ALMS1: variants seen among roughly 807,000 people sequenced by gnomAD.
ALMS1 encodes centrosome-associated protein ALMS1.
ALMS1 carries 271 observed loss-of-function variants against 352.2 expected under a neutral mutation model. The observed-to-expected ratio is 0.77, with a 90% CI of 0.70 to 0.85. ALMS1 has a LOEUF of 0.85. ALMS1 is among the 40% of genes least tolerant of loss of function. ALMS1 has a pLI of 0.00. For missense variants in ALMS1, 5,445 were observed against 4,870.7 expected, an observed-to-expected ratio of 1.12 and a Z score of -3.51; for synonymous variants, 1,865 against 1,761.2, an observed-to-expected ratio of 1.06 and a Z score of -1.48.
chr2:73,552,158 C>G (rs1256757171), intron 13 of ALMS1, among the ~76,000 whole-genome samples: 1 of 152,166 alleles, frequency 6.6e-6, no homozygotes, highest in African/African-American at 2.4e-5. Flanking sequence ...CACCCATTAA[C>G]TCGTCATTTA....
rs1383333428 is a variant in ALMS1 at position 73,452,746 on chromosome 2, G to A, written c.6219G>A (p.Lys2073=). 3 of 1,613,284 alleles carry A rather than the reference G, an allele frequency of 1.9e-6. No homozygotes were observed. Among genetic ancestry groups the A allele is most frequent in the Non-Finnish European group, 2.5e-6 (3 of 1,179,918 alleles). ...GAGATCAAAGTAAAGGTATTCTAAA[G>A]ATTTCAGCTGTCCCTGAACTAACTG... is the stretch of plus-strand genomic sequence containing the variant. The part of the protein sequence containing the change: ...PDRDQSKGIL[K]ISAVPELTDV... Residue 2073 remains lysine (K), a synonymous_variant, in exon 8 of 23, where the codon AAG becomes AAA. Transcript: ENST00000613296.
At position 73,386,000 on chromosome 2, in the gene ALMS1, G is replaced by T. The variant is rs753958280; in HGVS notation, c.132G>T (p.Glu44Asp). The change falls in exon 1 of 23, where the codon GAG becomes GAT. Residue 44 changes from glutamate to aspartate, a missense_variant. Transcript: ENST00000613296. ...AANVDDVVVV[E>D]EVEEEAGREL... ...ACGTGGACGACGTAGTGGTCGTGGA[G>T]GAGGTGGAGGAAGAGGCGGGGCGGG... The T allele has an allele frequency of 7.7e-6, 12 of 1,557,858 alleles. No individual in the cohort carries two copies. In the East Asian group the frequency reaches 2.9e-4, roughly 38 times the overall value.
intron 12 of ALMS1, among the ~76,000 whole-genome samples, chr2:73,549,364 AT>A (rs1400655844): frequency 6.6e-6 from 1 of 152,122 alleles, no homozygotes; most frequent in African/African-American, 2.4e-5. Flanking sequence ...ACATAGCTAA[AT>A]ATATTATTAT....
chr2:73,512,177 C>T (rs941015267), intron 10 of ALMS1, among the ~76,000 whole-genome samples: 3 of 152,108 alleles, frequency 2.0e-5, no homozygotes, highest in African/African-American at 4.8e-5. Flanking sequence ...CTCTGCCTCC[C>T]GGGTTCAAGC....
In ALMS1 at chr2:73,491,499, G is replaced by A; in HGVS notation, c.9539+1G>A. The A allele has an allele frequency of 1.2e-6, 2 of 1,613,876 alleles. No homozygotes were observed. The highest frequency in any genetic ancestry group is 1.7e-6 in the Non-Finnish European group (2 of 1,179,950). The stretch of plus-strand genomic sequence containing the variant: ...AGGGGACCCCAGTATTTGCAGATCG[G>A]TGAGTCTCATTGTGATAACAAGCAA... On this transcript the variant is annotated splice_donor_variant, in intron 10 of 22. Coordinates refer to ENST00000613296, the MANE Select transcript of ALMS1 (RefSeq NM_001378454.1). LOFTEE classifies it high-confidence loss of function.
intron 21 of ALMS1, among the ~76,000 whole-genome samples, chr2:73,607,833 T>A (rs1573060846): frequency 6.8e-6 from 1 of 147,396 alleles, no homozygotes; most frequent in East Asian, 2.0e-4. Flanking sequence ...TTTTTTGGTG[T>A]GTGTGGTTTT....
chr2:73,465,647 TTAAAC>T lies in ALMS1; in HGVS notation c.7674+10357_7674+10361del, dbSNP rs1299548980. 1.7e-4 allele frequency among the ~76,000 whole-genome samples: 26 copies of T among 152,078 alleles called. 1 individual carries two copies. Among genetic ancestry groups the T allele is most frequent in the Middle Eastern group, 6.8e-3 (2 of 294 alleles). ...GCCAAAATTGACAAATGGGATCTAA[TTAAAC>T]TAAAGAGTTTCTGCACAGCAAAAGA... On this transcript the variant is annotated intron_variant, in intron 9 of 22. Coordinates refer to ENST00000613296, the MANE Select transcript of ALMS1 (RefSeq NM_001378454.1).
At chr2:73,418,818 A>G (rs1015346194) in intron 2 of ALMS1, among the ~76,000 whole-genome samples, 5 of 152,050 alleles carry the variant, frequency 3.3e-5, no homozygotes, top group Non-Finnish European at 5.9e-5. Context: ...CTTAATATCT[A>G]CCTCTCTGAA....
chr2:73,555,719 G>A (rs528632115), intron 13 of ALMS1, among the ~76,000 whole-genome samples: 1 of 152,274 alleles, frequency 6.6e-6, no homozygotes, highest in East Asian at 1.9e-4. Context: ...ACATTTCACA[G>A]GAATGTTCAT....
rs1385240988 is a variant in ALMS1, at chr2:73,455,244, A to G, written c.7623A>G (p.Glu2541=). 6.2e-7 allele frequency: 1 copy of G among 1,614,174 alleles called. No homozygotes were observed. The highest frequency in any genetic ancestry group is 1.7e-5 in the Admixed American group (1 of 60,030). The change falls in exon 9 of 23, where the codon GAA becomes GAG. Residue 2541 remains glutamate, a synonymous_variant. Coordinates refer to ENST00000613296, the MANE Select transcript of ALMS1 (RefSeq NM_001378454.1). Reference sequence around the variant, plus strand: ...ATGAAGATGACAGGAGGAAAGTAGAAGAGATCAAGGCAGAGTTATTTGGTC... The same window carrying G: ...ATGAAGATGACAGGAGGAAAGTAGAGGAGATCAAGGCAGAGTTATTTGGTC... ...ELNEDDRRKV[E]EIKAELFGHG...
chr2:73,387,928 A>G (rs968195064), intron 1 of ALMS1, among the ~76,000 whole-genome samples: 1 of 152,238 alleles, frequency 6.6e-6, no homozygotes, highest in Non-Finnish European at 1.5e-5. Flanking sequence ...CATCATACTT[A>G]ATAACGGATG....
At chr2:73,494,763 G>A (rs1485291073) in intron 10 of ALMS1, among the ~76,000 whole-genome samples, 2 of 152,176 alleles carry the variant, frequency 1.3e-5, no homozygotes, top group Non-Finnish European at 2.9e-5. Context: ...TTGATCACTT[G>A]GCTAAAGTGG....
intron 7 of ALMS1, among the ~76,000 whole-genome samples, chr2:73,437,920 A>C (rs1432416300): frequency 6.6e-6 from 1 of 152,124 alleles, no homozygotes. Flanking sequence ...GAAATTATTC[A>C]AACAAGCCAA....
intron 9 of ALMS1, 60 bp downstream of exon 9, chr2:73,455,355 G>A: frequency 6.2e-7 from 1 of 1,602,500 alleles, no homozygotes; most frequent in East Asian, 2.2e-5. Flanking sequence ...ATGGAATTAG[G>A]ATCTCTTACT....
chr2:73,403,864 C>T (rs1045976443), intron 1 of ALMS1, among the ~76,000 whole-genome samples: 1 of 151,998 alleles, frequency 6.6e-6, no homozygotes, highest in African/African-American at 2.4e-5. Context: ...AACTGATTTT[C>T]ATATATTGAT....
chr2:73,512,104 C>T (rs1455941175), intron 10 of ALMS1, among the ~76,000 whole-genome samples: 1 of 152,104 alleles, frequency 6.6e-6, no homozygotes, highest in Non-Finnish European at 1.5e-5. Context: ...CTCACTCTGT[C>T]ACCCAGGCTG....
At chr2:73,415,119 G>A (rs2103691955) in intron 2 of ALMS1, among the ~76,000 whole-genome samples, 1 of 152,174 alleles carries the variant, frequency 6.6e-6, no homozygotes, top group Non-Finnish European at 1.5e-5. Flanking sequence ...AAATTTGTTT[G>A]TATTTGTCAG....
intron 11 of ALMS1, among the ~76,000 whole-genome samples, chr2:73,534,572 A>G (rs183907047): frequency 2.0e-5 from 3 of 152,276 alleles, no homozygotes; most frequent in East Asian, 1.9e-4. Context: ...CAGCATTTCT[A>G]TATTTTCCCT....
intron 10 of ALMS1, among the ~76,000 whole-genome samples, chr2:73,503,423 T>C (rs1023578660): frequency 6.6e-6 from 1 of 152,200 alleles, no homozygotes; most frequent in Non-Finnish European, 1.5e-5. Flanking sequence ...ACAAAGGACA[T>C]GAACTCATCA....
Sources: gnomAD v4.1 joint callset for allele counts (sites outside exome capture counted in the v4.1 genomes callset) on GRCh38, gnomAD v4.1.1 for gene constraint, MANE v1.5 for transcripts, NCBI Gene and HGNC (gene_info 2026-07-23, HGNC 2026-07-21) for gene names.